The following ZMAT4 variants were observed in gnomAD, a reference collection of about 807,000 sequenced individuals.
The protein encoded by ZMAT4 is zinc finger matrin-type protein 4.
Under a neutral mutation model 28.7 loss-of-function variants are expected in ZMAT4, and 17 were observed. That is an observed-to-expected ratio of 0.59 (90% confidence interval 0.41 to 0.89). The LOEUF is 0.89. ZMAT4 is among the 40% of genes least tolerant of loss of function. ZMAT4 has a pLI of 0.00. For missense variants in ZMAT4, 240 were observed against 283.8 expected (o/e 0.85, Z 1.11); for synonymous variants, 117 against 109.2 (o/e 1.07, Z -0.44).
At chr8:40,767,804 C>G in intron 2 of ZMAT4, 74 bp from the exon 3 acceptor site, 2 of 1,201,108 alleles carry the variant, frequency 1.7e-6, no homozygotes, top group South Asian at 3.1e-5. Flanking sequence ...AGCCAGTGCC[C>G]GCAAATGCAA....
chr8:40,632,770 T>C (rs1806643600), intron 5 of ZMAT4, among the ~76,000 whole-genome samples: 1 of 152,230 alleles, frequency 6.6e-6, no homozygotes, highest in Non-Finnish European at 1.5e-5. Flanking sequence ...TACGCAGCTG[T>C]GGCAGTTTGT....
chr8:40,822,580 C>T (rs540922741), intron 2 of ZMAT4, among the ~76,000 whole-genome samples: 1 of 152,168 alleles, frequency 6.6e-6, no homozygotes, highest in African/African-American at 2.4e-5. Context: ...CCTTAGAGAT[C>T]ATCTGATGCA....
intron 6 of ZMAT4, among the ~76,000 whole-genome samples, chr8:40,543,092 CTT>C (rs111802848): frequency 5.4e-5 from 8 of 149,456 alleles, no homozygotes; most frequent in East Asian, 2.0e-4. Flanking sequence ...TCTATGCTAA[CTT>C]TTTTTTTTTC....
intron 1 of ZMAT4, among the ~76,000 whole-genome samples, chr8:40,845,092 C>T (rs13248541): frequency 0.89 from 134,970 of 152,226 alleles, 61,705 homozygotes; most frequent in Non-Finnish European, 1. Context: ...CTGCAGGTGC[C>T]GAGCGAGTCT....
chr8:40,786,588 C>T lies in ZMAT4; in HGVS notation c.103-18858G>A, dbSNP rs1333829429. On this transcript the variant is annotated intron_variant, in intron 2 of 6. Transcript: ENST00000297737. ...TGCTACCAAAACAAAGAACAGCCAG[C>T]ATGCACGTTCTGGTTATTCTCTTGT... 7 of 777,698 alleles carry T rather than the reference C, an allele frequency of 9.0e-6. No individual in the cohort carries two copies. In the East Asian group the frequency reaches 4.0e-4, roughly 45 times the overall value. The allele number at this position is 777,698 out of a possible 1,614,324, so 48.2% of individuals were successfully genotyped here. A position where few individuals can be genotyped will look rare whatever the true frequency, so the allele number is the denominator to read the frequency against.
chr8:40,714,492 G>A (rs1810760134), intron 3 of ZMAT4, among the ~76,000 whole-genome samples: 1 of 152,118 alleles, frequency 6.6e-6, no homozygotes, highest in East Asian at 1.9e-4. Context: ...ATATGCCATG[G>A]AATATGGAAT....
chr8:40,734,127 T>C (rs1811656391), intron 3 of ZMAT4, among the ~76,000 whole-genome samples: 1 of 152,182 alleles, frequency 6.6e-6, no homozygotes, highest in African/African-American at 2.4e-5. Flanking sequence ...GATAGCAAGC[T>C]ACAAGGAATG....
At chr8:40,601,488 AG>A (rs760680841) in intron 5 of ZMAT4, among the ~76,000 whole-genome samples, 265 of 117,682 alleles carry the variant, frequency 2.3e-3, no homozygotes, top group East Asian at 0.017. Context: ...AAAGAAAGAA[AG>A]AAAGAGAGAA....
chr8:40,821,027 G>A (rs1278898313), intron 2 of ZMAT4, among the ~76,000 whole-genome samples: 2 of 149,144 alleles, frequency 1.3e-5, no homozygotes, highest in Admixed American at 6.7e-5. Flanking sequence ...GGGTGCGTGT[G>A]TATGTGTATG....
intron 3 of ZMAT4, among the ~76,000 whole-genome samples, chr8:40,764,599 C>G (rs142718395): frequency 2.0e-5 from 3 of 152,220 alleles, no homozygotes; most frequent in African/African-American, 7.2e-5. Context: ...ATGCTCTTCT[C>G]AATCAGTTAA....
intron 6 of ZMAT4, among the ~76,000 whole-genome samples, chr8:40,563,201 G>T (rs1803804535): frequency 6.6e-6 from 1 of 152,092 alleles, no homozygotes; most frequent in Admixed American, 6.6e-5. Flanking sequence ...CCCCAGCCCA[G>T]GTTCATCTCA....
At chr8:40,555,025 C>T (rs1020030147) in intron 6 of ZMAT4, among the ~76,000 whole-genome samples, 4 of 152,160 alleles carry the variant, frequency 2.6e-5, no homozygotes, top group Non-Finnish European at 5.9e-5. Context: ...CTCTCTATCT[C>T]CATGAGATTA....
intron 3 of ZMAT4, among the ~76,000 whole-genome samples, chr8:40,763,557 A>G (rs4305885): frequency 0.97 from 146,981 of 152,236 alleles, 71,164 homozygotes; most frequent in East Asian, 1. Context: ...TCCAGACCCC[A>G]TAACAGTTAC....
At chr8:40,837,180 G>A (rs1816525370) in intron 1 of ZMAT4, among the ~76,000 whole-genome samples, 2 of 152,198 alleles carry the variant, frequency 1.3e-5, no homozygotes, top group African/African-American at 4.8e-5. Context: ...TCTGGCTGAT[G>A]AAATGTGCAC....
At chr8:40,862,571 AAAAAAAAAAAATT>A (rs1817535780) in intron 1 of ZMAT4, among the ~76,000 whole-genome samples, 1 of 59,314 alleles carries the variant, frequency 1.7e-5, no homozygotes, top group African/African-American at 4.5e-5. Flanking sequence ...AGAGTATAAT[AAAAAAAAAAAATT>A]AAAAAAAAAA....
chr8:40,673,971 G>A (rs1369114665), intron 5 of ZMAT4, among the ~76,000 whole-genome samples: 1 of 151,754 alleles, frequency 6.6e-6, no homozygotes, highest in Non-Finnish European at 1.5e-5. Context: ...GAAGGGGCTT[G>A]GGCTTGCTTC....
intron 2 of ZMAT4, among the ~76,000 whole-genome samples, chr8:40,768,155 C>T (rs1204774838): frequency 6.6e-6 from 1 of 152,112 alleles, no homozygotes; most frequent in Non-Finnish European, 1.5e-5. Context: ...GCACCTCACC[C>T]CCAATAGAAG....
chr8:40,632,089 A>G (rs1190259748), intron 5 of ZMAT4, among the ~76,000 whole-genome samples: 1 of 152,106 alleles, frequency 6.6e-6, no homozygotes, highest in Non-Finnish European at 1.5e-5. Context: ...CAGAGCCAAA[A>G]ATGTTTGTGA....
chr8:40,659,623 C>G (rs1004957572), intron 5 of ZMAT4, among the ~76,000 whole-genome samples: 2 of 152,058 alleles, frequency 1.3e-5, no homozygotes, highest in African/African-American at 4.8e-5. Flanking sequence ...TCTGGAGGTG[C>G]AATTATTCAC....
Sources: allele counts gnomAD v4.1 joint callset (sites outside exome capture counted in the v4.1 genomes callset), GRCh38; gene constraint gnomAD v4.1.1; transcripts MANE v1.5; gene names NCBI Gene and HGNC (gene_info 2026-07-23, HGNC 2026-07-21).